The following PUM2 variants were observed in gnomAD, a reference collection of about 807,000 sequenced individuals.
PUM2 encodes pumilio homolog 2.
PUM2 carries 57 observed loss-of-function variants against 124.5 expected under a neutral mutation model. That is an observed-to-expected ratio of 0.46 (90% CI 0.37 to 0.57). PUM2 has a LOEUF of 0.57. Among genes scored for constraint, PUM2 ranks in the 20% least tolerant of loss-of-function variants. The pLI, the probability that PUM2 is intolerant of heterozygous loss-of-function variation, is 0.00. For missense variants in PUM2, 1,065 were observed against 1,290.6 expected (o/e 0.83, Z 2.68); for synonymous variants, 460 against 446.1 (o/e 1.03, Z -0.39).
intron 3 of PUM2, among the ~76,000 whole-genome samples, chr2:20,313,211 A>G (rs1298814790): frequency 6.6e-6 from 1 of 152,252 alleles, no homozygotes; most frequent in East Asian, 1.9e-4. Flanking sequence ...AAAATTGGCA[A>G]ATGGGATCTA....
At chr2:20,297,779 T>G in intron 7 of PUM2, 101 bp from the exon 8 acceptor site, 110 of 1,081,604 alleles carry the variant, frequency 1.0e-4, no homozygotes, top group Non-Finnish European at 1.3e-4. Context: ...GGTGTGGGGG[T>G]GGGGAGCAGA....
At chr2:20,314,649 G>C (rs1208687426) in intron 3 of PUM2, among the ~76,000 whole-genome samples, 22 of 152,146 alleles carry the variant, frequency 1.4e-4, no homozygotes, top group Admixed American at 1.4e-3. Flanking sequence ...TAATAATTTT[G>C]AAATGATGGC....
intron 10 of PUM2, among the ~76,000 whole-genome samples, chr2:20,287,497 T>G (rs1217042677): frequency 6.6e-6 from 1 of 151,994 alleles, no homozygotes; most frequent in Non-Finnish European, 1.5e-5. Context: ...AAAGGGGTAT[T>G]TTAAGCTAGA....
chr2:20,293,820 G>A (rs983941109), intron 9 of PUM2, among the ~76,000 whole-genome samples: 1 of 152,080 alleles, frequency 6.6e-6, no homozygotes, highest in Non-Finnish European at 1.5e-5. Flanking sequence ...CAATGAATGT[G>A]ACAGTCAGAA....
intron 2 of PUM2, among the ~76,000 whole-genome samples, chr2:20,322,191 A>G (rs1682534907): frequency 6.6e-6 from 1 of 152,168 alleles, no homozygotes; most frequent in African/African-American, 2.4e-5. Flanking sequence ...GCTATTAATA[A>G]TCATGCCATG....
intron 2 of PUM2, chr2:20,326,197 T>C: frequency 1.7e-6 from 2 of 1,199,078 alleles, no homozygotes; most frequent in African/African-American, 3.2e-5. Flanking sequence ...TTGAGAATTT[T>C]ACCTTATGCA....
chr2:20,351,638 G>A (rs1221638252), upstream of PUM2, among the ~76,000 whole-genome samples: 1 of 152,206 alleles, frequency 6.6e-6, no homozygotes, highest in Non-Finnish European at 1.5e-5. Flanking sequence ...GCAAAGCAGT[G>A]GTGATTCCAG....
chr2:20,297,708 C>T (rs368468455), intron 7 of PUM2, 30 bp from the exon 8 acceptor site: 90 of 1,593,290 alleles, frequency 5.6e-5, no homozygotes, highest in Admixed American at 1.2e-4. Context: ...AAATAATAAA[C>T]AACAATGTAA....
chr2:20,343,834 T>A (rs1221789585), intron 1 of PUM2, among the ~76,000 whole-genome samples: 2 of 152,154 alleles, frequency 1.3e-5, no homozygotes, highest in Middle Eastern at 3.4e-3. Context: ...GAGGCTGAAG[T>A]CAGAGAACTG....
chr2:20,338,347 A>C (rs1686547846), intron 1 of PUM2, among the ~76,000 whole-genome samples: 2 of 152,196 alleles, frequency 1.3e-5, no homozygotes, highest in Non-Finnish European at 2.9e-5. Context: ...CAGTGAGCCG[A>C]GACTGCACCA....
At chr2:20,264,013 C>A (rs368363553) in intron 13 of PUM2, among the ~76,000 whole-genome samples, 3 of 152,058 alleles carry the variant, frequency 2.0e-5, no homozygotes, top group African/African-American at 2.4e-5. Context: ...AAATTATACA[C>A]TATTTTAAGA....
intron 13 of PUM2, among the ~76,000 whole-genome samples, chr2:20,265,683 G>C (rs1187645816): frequency 6.6e-6 from 1 of 152,022 alleles, no homozygotes; most frequent in Non-Finnish European, 1.5e-5. Context: ...GTCCATTTTT[G>C]ATGATGTCAC....
intron 1 of PUM2, among the ~76,000 whole-genome samples, chr2:20,347,234 C>G (rs942480543): frequency 6.6e-6 from 1 of 152,164 alleles, no homozygotes; most frequent in African/African-American, 2.4e-5. Flanking sequence ...AATAAACAAT[C>G]TGTTTAAAAA....
intron 12 of PUM2, among the ~76,000 whole-genome samples, chr2:20,281,093 TG>T (rs909532539): frequency 9.9e-5 from 15 of 152,138 alleles, no homozygotes; most frequent in Non-Finnish European, 2.2e-4. Flanking sequence ...TGTGCAAACT[TG>T]TAAGAGTCCA....
intron 7 of PUM2, among the ~76,000 whole-genome samples, chr2:20,303,994 T>TTG (rs1677619129): frequency 7.0e-6 from 1 of 143,082 alleles, no homozygotes; most frequent in Admixed American, 7.0e-5. Context: ...GATCCTTCTT[T>TTG]GTACTGTCAT....
At chr2:20,268,072 T>C (rs567781586) in intron 13 of PUM2, among the ~76,000 whole-genome samples, 2 of 152,152 alleles carry the variant, frequency 1.3e-5, no homozygotes, top group South Asian at 4.2e-4. Context: ...AATAAAGAAA[T>C]CTGTCTAGCC....
Position 20,285,045 on chromosome 2 carries a change from C to A in PUM2, c.1292-1559G>T, listed in dbSNP as rs561255358. On this transcript the variant is annotated intron_variant, in intron 10 of 20. Coordinates refer to ENST00000361078, the MANE Select transcript of PUM2 (RefSeq NM_015317.5). ...AAAAACATTGTCATTTACTTAACAT[C>A]TGAATTTGAATTAAAAATAAAAGTA... Among the ~76,000 whole-genome samples, 6 of 152,322 alleles carry A rather than the reference C, an allele frequency of 3.9e-5. No homozygotes were observed. In the South Asian group the frequency reaches 1.2e-3, roughly 32 times the overall value.
chr2:20,256,245 A>C, intron 16 of PUM2, 75 bp from the exon 17 acceptor site: 5 of 1,355,016 alleles, frequency 3.7e-6, no homozygotes, highest in Non-Finnish European at 4.9e-6. Flanking sequence ...TCAGTATTAA[A>C]AATTAAAAAT....
At chr2:20,327,455 GCTGCTATGA>G in intron 1 of PUM2, 77 bp from the exon 2 acceptor site, 1 of 891,384 alleles carries the variant, frequency 1.1e-6, no homozygotes, top group Non-Finnish European at 1.7e-6. Flanking sequence ...ATATTATATT[GCTGCTATGA>G]CTAATATTAG....
Sources: gnomAD v4.1 joint callset for allele counts (sites outside exome capture counted in the v4.1 genomes callset) on GRCh38, gnomAD v4.1.1 for gene constraint, MANE v1.5 for transcripts, NCBI Gene and HGNC (gene_info 2026-07-23, HGNC 2026-07-21) for gene names.